Variants in TFR2 observed in about 807,000 individuals in gnomAD.
TFR2 encodes transferrin receptor 2.
In TFR2, 64 loss-of-function variants were observed where a neutral mutation model predicts 91.9. The ratio of observed to expected loss-of-function variants is 0.70; its 90% CI spans 0.57 to 0.86. The LOEUF (loss-of-function observed/expected upper bound fraction) is 0.86. Among genes scored for constraint, TFR2 ranks in the 40% least tolerant of loss-of-function variants. The pLI, the probability that TFR2 is intolerant of heterozygous loss-of-function variation, is 0.00. For synonymous variants in TFR2, 454 were observed against 459.6 expected (o/e 0.99, Z 0.15); for missense variants, 950 against 1,080.5 (o/e 0.88, Z 1.69).
Position 100,641,104 on chromosome 7 carries a change from G to C in TFR2, c.158C>G (p.Pro53Arg), listed in dbSNP as rs1300113417. ...EGAETLAHFCPMELRGPEPLG... is the reference protein window; with the variant it reads ...EGAETLAHFCRMELRGPEPLG... ...GGGCTCAGGGCCCCTCAGCTCCATG[G>C]GGCAGAAGTGGGCCAATGTCTCCGC... Residue 53 changes from proline (P) to arginine (R), a missense_variant, in exon 2 of 18, where the codon CCC becomes CGC. Physicochemically the swap from Pro to Arg is moderately radical, Grantham distance 103. Coordinates refer to ENST00000223051, the MANE Select transcript of TFR2 (RefSeq NM_003227.4). The C allele has an allele frequency of 6.3e-7, 1 of 1,590,576 alleles. No individual in the cohort carries two copies.
chr7:100,633,189 G>A (rs1349341418), intron 5 of TFR2, 40 bp downstream of exon 5: 1 of 1,613,056 alleles, frequency 6.2e-7, no homozygotes, highest in Non-Finnish European at 8.5e-7. Context: ...GAAAGGGCTC[G>A]TGCCGCGCCC....
intron 12 of TFR2, 25 bp from the exon 13 acceptor site, chr7:100,627,999 GC>G: frequency 6.2e-7 from 1 of 1,614,100 alleles, no homozygotes; most frequent in South Asian, 1.1e-5. Context: ...GGGGAGGGAT[GC>G]CAGGCTCAGG....
intron 16 of TFR2, 76 bp downstream of exon 16, chr7:100,627,188 G>C (rs1414319233): frequency 6.8e-7 from 1 of 1,471,572 alleles, no homozygotes; most frequent in Non-Finnish European, 9.2e-7. Flanking sequence ...GGAATGCAGA[G>C]AGAAGGGGCT....
At chr7:100,639,718 T>C (rs1167926283) in intron 3 of TFR2, 1 of 152,104 alleles carries the variant, frequency 6.6e-6, no homozygotes, top group Non-Finnish European at 1.5e-5. Flanking sequence ...AAGAGGGCTA[T>C]GGGTGGACCT....
Position 100,627,394 on chromosome 7 carries a change from ACGGCCTGGGC to A in TFR2, c.1855_1864del (p.Ala619TrpfsTer48). On this transcript the variant is annotated frameshift_variant, in exon 16 of 18. Transcript: ENST00000223051. LOFTEE classifies it high-confidence loss of function. ...GAGGAGCTGCCCTGCGAGCTGGGCC[ACGGCCTGGGC>A]CACGGCGGGCAGGCGGCCTTGCAGC... 1 of 1,563,134 alleles carries A rather than the reference ACGGCCTGGGC, an allele frequency of 6.4e-7. No individual in the cohort carries two copies.
chr7:100,629,638 G>A (rs971061427), intron 9 of TFR2, among the ~76,000 whole-genome samples: 4 of 152,140 alleles, frequency 2.6e-5, no homozygotes, highest in Non-Finnish European at 2.9e-5. Flanking sequence ...GCTCACTGCA[G>A]CTTCAAACTC....
intron 3 of TFR2, chr7:100,640,396 T>A (rs533421297): frequency 6.9e-6 from 3 of 436,080 alleles, no homozygotes; most frequent in Non-Finnish European, 1.2e-5. Context: ...TTCAAGGCTT[T>A]TCTGGGTCTG....
At chr7:100,627,134 AG>A in intron 16 of TFR2, 129 bp downstream of exon 16, 1 of 1,260,360 alleles carries the variant, frequency 7.9e-7, no homozygotes, top group Non-Finnish European at 1.1e-6. Context: ...GACTGGAGGC[AG>A]GGGGTTAATG....
chr7:100,637,856 A>G (rs1803605034), intron 3 of TFR2, among the ~76,000 whole-genome samples: 1 of 147,352 alleles, frequency 6.8e-6, no homozygotes, highest in Non-Finnish European at 1.5e-5. Context: ...TTTGAGATGG[A>G]GTTTCACTCT....
chr7:100,621,089 G>A lies in TFR2; in HGVS notation c.2174C>T (p.Ala725Val). 6.5e-7 allele frequency: 1 copy of A among 1,541,694 alleles called. No individual in the cohort carries two copies. The highest frequency in any genetic ancestry group is 8.8e-7 in the Non-Finnish European group (1 of 1,139,120). The change falls in exon 18 of 18, where the codon GCC becomes GTC. Residue 725 changes from alanine to valine, a missense_variant. Coordinates refer to ENST00000223051, the MANE Select transcript of TFR2 (RefSeq NM_003227.4). ...FYFLSQYVSP[A>V]DSPFRHIFMG... ...GAAGATGTGGCGGAACGGGGAGTCG[G>A]CTGGCGACACGTACTGGGAAAGGAA...
rs143742219 is a variant in TFR2 at position 100,640,980 on chromosome 7, A to G, written c.282T>C (p.Thr94=). 5.6e-6 allele frequency: 9 copies of G among 1,609,888 alleles called. No individual in the cohort carries two copies. The highest frequency in any genetic ancestry group is 1.3e-5 in the African/African-American group (1 of 74,792). ...GGGGAGGGGGACGGCTCTCACCCCC[A>G]GTGAAGATCAGCAGGGCCGTCAGGA... ...YLVLTALLIF[T]GAFLLGYVAF... Residue 94 remains threonine, a synonymous_variant, in exon 2 of 18, where the codon ACT becomes ACC. Coordinates refer to ENST00000223051, the MANE Select transcript of TFR2 (RefSeq NM_003227.4).
In TFR2 at chr7:100,627,945, G is replaced by A. The variant is rs763692373; in HGVS notation, c.1567C>T (p.Pro523Ser). Residue 523 changes from proline (P) to serine (S), a missense_variant, in exon 13 of 18, where the codon CCC (proline) becomes TCC (serine). Physicochemically the swap from Pro to Ser is moderately conservative, Grantham distance 74. Coordinates refer to ENST00000223051, the MANE Select transcript of TFR2 (RefSeq NM_003227.4). Reference protein sequence around the residue: ...GDDKFHAKTSPLLTSLIESVL... With the variant: ...GDDKFHAKTSSLLTSLIESVL... The stretch of plus-strand genomic sequence containing the variant: ...CTCTCAATGAGACTTGTCAGAAGGG[G>A]GCTGGTCTTGGCATGAAACTTGTCA... 10 of 1,614,026 alleles carry A rather than the reference G, an allele frequency of 6.2e-6. No individual in the cohort carries two copies. Among genetic ancestry groups the A allele is most frequent in the African/African-American group, 1.3e-5 (1 of 75,004 alleles).
chr7:100,633,698 CTTTTTTTTTTT>C lies in TFR2; in HGVS notation c.474-153_474-143del, dbSNP rs397890558. 1.3e-3 allele frequency: 273 copies of C among 215,886 alleles called. 2 individuals are homozygous for C. The highest frequency in any genetic ancestry group is 1.3e-3 in the Non-Finnish European group (200 of 153,434). 13.4% of individuals were successfully genotyped at this position (215,886 alleles called of 1,614,324 possible). A position where few individuals can be genotyped will look rare whatever the true frequency, so the allele number is the denominator to read the frequency against. On this transcript the variant is annotated intron_variant, in intron 3 of 17. Transcript: ENST00000223051. Reference sequence around the variant, plus strand: ...AGGAAAAGAGCGCTCCCCGCGGACGCTTTTTTTTTTTTTTTTTTTTTTTTTTTTGAGACGGA... The same window carrying C: ...AGGAAAAGAGCGCTCCCCGCGGACGCTTTTTTTTTTTTTTTTTGAGACGGA...
intron 8 of TFR2, 179 bp downstream of exon 8, chr7:100,631,627 A>AC: frequency 2.5e-6 from 2 of 799,328 alleles, no homozygotes; most frequent in Non-Finnish European, 3.7e-6. Flanking sequence ...CCATCTCAAA[A>AC]AAAAAAAAAG....
At chr7:100,636,664 C>T (rs565341775) in intron 3 of TFR2, among the ~76,000 whole-genome samples, 2 of 152,152 alleles carry the variant, frequency 1.3e-5, no homozygotes, top group South Asian at 4.2e-4. Context: ...CTGTCAGGTT[C>T]CAACTCCCCC....
intron 3 of TFR2, 131 bp from the exon 4 acceptor site, chr7:100,633,687 C>A: frequency 1.9e-6 from 2 of 1,078,520 alleles, no homozygotes; most frequent in South Asian, 2.1e-5. Context: ...AAAGAGCGCT[C>A]CCCGCGGACG....
intron 6 of TFR2, chr7:100,632,796 C>G: frequency 1.7e-6 from 1 of 593,454 alleles, no homozygotes; most frequent in Non-Finnish European, 2.9e-6. Context: ...GCCTTGAATT[C>G]CTGGCCTCAA....
Position 100,633,395 on chromosome 7 carries a change from C to A in TFR2, c.614+21G>T, listed in dbSNP as rs752813886. 43 of 1,605,540 alleles carry A rather than the reference C, an allele frequency of 2.7e-5. 1 individual carries two copies. Among genetic ancestry groups the A allele is most frequent in the Middle Eastern group, 1.7e-4 (1 of 6,028 alleles). On this transcript the variant is annotated intron_variant, in intron 4 of 17. Coordinates refer to ENST00000223051, the MANE Select transcript of TFR2 (RefSeq NM_003227.4). Reference sequence around the variant, plus strand: ...GCCGCGTCCCCCTCCCCGCGCGCCCCCCGCCCGCGCGCGCACTCACGGATC... The same window carrying A: ...GCCGCGTCCCCCTCCCCGCGCGCCCACCGCCCGCGCGCGCACTCACGGATC...
At chr7:100,639,111 C>G (rs1480439408) in intron 3 of TFR2, among the ~76,000 whole-genome samples, 1 of 152,172 alleles carries the variant, frequency 6.6e-6, no homozygotes, top group Non-Finnish European at 1.5e-5. Flanking sequence ...CCTGTAATCC[C>G]AGCACTTTGG....
Sources: gnomAD v4.1 joint callset for allele counts (sites outside exome capture counted in the v4.1 genomes callset) on GRCh38, gnomAD v4.1.1 for gene constraint, MANE v1.5 for transcripts, NCBI Gene and HGNC (gene_info 2026-07-23, HGNC 2026-07-21) for gene names.